Variants in PDSS2 observed in about 807,000 individuals in gnomAD.
PDSS2 encodes the protein decaprenyl diphosphate synthase subunit 2.
A neutral mutation model predicts 44.5 loss-of-function variants in PDSS2; 31 were observed. The observed-to-expected ratio is 0.70, with a 90% confidence interval of 0.52 to 0.94. The LOEUF (loss-of-function observed/expected upper bound fraction) is 0.94. PDSS2 is among the 40% of genes least tolerant of loss of function. The probability of loss-of-function intolerance (pLI) is 0.00; values close to 1 mark genes in which losing one functional copy is unlikely to be tolerated. For missense variants in PDSS2, 452 were observed against 482.2 expected (o/e 0.94, Z 0.59); for synonymous variants, 157 against 180.3 (o/e 0.87, Z 1.03).
intron 2 of PDSS2, among the ~76,000 whole-genome samples, chr6:107,286,877 A>G (rs1489932936): frequency 2.0e-5 from 3 of 151,986 alleles, no homozygotes; most frequent in Non-Finnish European, 4.4e-5. Context: ...CGGTTCTACT[A>G]AAAATAGAAA....
intron 2 of PDSS2, among the ~76,000 whole-genome samples, chr6:107,293,579 T>C (rs1272836038): frequency 6.6e-6 from 1 of 152,176 alleles, no homozygotes; most frequent in African/African-American, 2.4e-5. Flanking sequence ...ATTAAAGAAC[T>C]GATTACAAAG....
intron 1 of PDSS2, 113 bp downstream of exon 1, chr6:107,458,877 A>T (rs997653532): frequency 3.3e-6 from 3 of 897,058 alleles, no homozygotes; most frequent in Non-Finnish European, 5.4e-6. Context: ...AAAAGGAAGG[A>T]CTAAAAAGAG....
chr6:107,408,835 G>T (rs553707550), intron 1 of PDSS2, among the ~76,000 whole-genome samples: 2 of 152,090 alleles, frequency 1.3e-5, no homozygotes, highest in Non-Finnish European at 2.9e-5. Flanking sequence ...TTTACAAGCC[G>T]CCAGTCTGTG....
At chr6:107,158,208 CAG>C in intron 7 of PDSS2, among the ~76,000 whole-genome samples, 1 of 140,710 alleles carries the variant, frequency 7.1e-6, no homozygotes, top group African/African-American at 2.7e-5. Context: ...TTTTTCGAGA[CAG>C]AGTCTTACTC....
chr6:107,373,993 C>T (rs1162222708), intron 1 of PDSS2, among the ~76,000 whole-genome samples: 1 of 152,110 alleles, frequency 6.6e-6, no homozygotes, highest in Non-Finnish European at 1.5e-5. Flanking sequence ...GGTGCTCACG[C>T]CTGTAATCTC....
intron 1 of PDSS2, among the ~76,000 whole-genome samples, chr6:107,400,908 C>T (rs1780087261): frequency 6.6e-6 from 1 of 152,194 alleles, no homozygotes; most frequent in South Asian, 2.1e-4. Context: ...CAAACTTTGT[C>T]TCCTTCCCGA....
intron 1 of PDSS2, among the ~76,000 whole-genome samples, chr6:107,446,362 AG>A (rs1195244686): frequency 2.0e-5 from 3 of 152,194 alleles, no homozygotes; most frequent in Non-Finnish European, 4.4e-5. Flanking sequence ...ACAAAGTTGC[AG>A]AAACACTACA....
chr6:107,370,028 C>G (rs1779083702), intron 1 of PDSS2, among the ~76,000 whole-genome samples: 2 of 151,926 alleles, frequency 1.3e-5, no homozygotes, highest in East Asian at 3.9e-4. Context: ...AGAAAGAAAC[C>G]TAAAAGACCT....
chr6:107,251,865 G>A (rs545818313), intron 3 of PDSS2, among the ~76,000 whole-genome samples: 4 of 152,120 alleles, frequency 2.6e-5, no homozygotes, highest in Admixed American at 6.5e-5. Flanking sequence ...TTTGTGAGAC[G>A]CATATAAAGA....
intron 1 of PDSS2, among the ~76,000 whole-genome samples, chr6:107,381,436 A>T (rs1779452664): frequency 1.3e-5 from 2 of 152,096 alleles, no homozygotes; most frequent in South Asian, 4.2e-4. Flanking sequence ...TTTTTTTTAA[A>T]CCTCATTCAT....
intron 3 of PDSS2, among the ~76,000 whole-genome samples, chr6:107,247,655 A>G (rs1774665531): frequency 6.6e-6 from 1 of 152,146 alleles, no homozygotes; most frequent in African/African-American, 2.4e-5. Flanking sequence ...CCCAGTGCAC[A>G]TATCAATCTC....
intron 1 of PDSS2, among the ~76,000 whole-genome samples, chr6:107,360,870 T>C (rs1207054209): frequency 1.3e-5 from 2 of 152,258 alleles, no homozygotes; most frequent in African/African-American, 4.8e-5. Context: ...ATTTACATAC[T>C]GGGCAGTATT....
intron 2 of PDSS2, among the ~76,000 whole-genome samples, chr6:107,300,354 G>T (rs1231290967): frequency 1.3e-5 from 2 of 151,850 alleles, no homozygotes; most frequent in Non-Finnish European, 1.5e-5. Flanking sequence ...TCAGCAGGAA[G>T]TAGTTAAGAG....
chr6:107,223,527 T>G (rs1773687646), intron 4 of PDSS2, among the ~76,000 whole-genome samples: 1 of 150,572 alleles, frequency 6.6e-6, no homozygotes, highest in Non-Finnish European at 1.5e-5. Context: ...AGAGTGAGAC[T>G]CCATCTCAAA....
chr6:107,160,635 G>A (rs1237830077), intron 7 of PDSS2, among the ~76,000 whole-genome samples: 7 of 152,140 alleles, frequency 4.6e-5, no homozygotes, highest in Admixed American at 4.6e-4. Context: ...TTACAGGCGT[G>A]TGTCACCTCG....
At chr6:107,407,606 G>A (rs1780360614) in intron 1 of PDSS2, among the ~76,000 whole-genome samples, 1 of 152,160 alleles carries the variant, frequency 6.6e-6, no homozygotes, top group African/African-American at 2.4e-5. Context: ...TACCACAGGT[G>A]ACATATTTTT....
chr6:107,322,196 A>C (rs1777401803), intron 2 of PDSS2, among the ~76,000 whole-genome samples: 1 of 152,160 alleles, frequency 6.6e-6, no homozygotes, highest in African/African-American at 2.4e-5. Flanking sequence ...AATGCAATTG[A>C]AGAGTTAAGG....
intron 7 of PDSS2, among the ~76,000 whole-genome samples, chr6:107,178,931 T>C (rs1771881968): frequency 6.6e-6 from 1 of 152,198 alleles, no homozygotes. Flanking sequence ...CCCTGTGAGA[T>C]AATTGTGTGG....
In PDSS2 at chr6:107,313,422, G is replaced by A. The variant is rs569673036; in HGVS notation, c.431+20776C>T. On this transcript the variant is annotated intron_variant, in intron 2 of 7. Transcript: ENST00000369037. Reference sequence around the variant, plus strand: ...GGCTGGAGTGCAGTGGCATGATCTCGGCTCACTGCAACCTCTGCCTCCTAG... The same window carrying A: ...GGCTGGAGTGCAGTGGCATGATCTCAGCTCACTGCAACCTCTGCCTCCTAG... Among the ~76,000 whole-genome samples, 181 of 152,044 alleles carry A rather than the reference G, an allele frequency of 1.2e-3. 1 individual carries two copies. The highest frequency in any genetic ancestry group is 4.1e-3 in the African/African-American group (171 of 41,488).
Sources: gnomAD v4.1 joint callset for allele counts (sites outside exome capture counted in the v4.1 genomes callset) on GRCh38, gnomAD v4.1.1 for gene constraint, MANE v1.5 for transcripts, NCBI Gene and HGNC (gene_info 2026-07-23, HGNC 2026-07-21) for gene names.